The following TCF20 variants were observed in gnomAD, a reference collection of about 807,000 sequenced individuals.
TCF20 encodes the protein transcription factor 20, also known as SPRE-binding protein.
In TCF20, 3 loss-of-function variants were observed where a neutral mutation model predicts 148.6. The ratio of observed to expected loss-of-function variants is 0.02; its 90% CI spans 0.01 to 0.05. The LOEUF is 0.05. Ranked by LOEUF, TCF20 falls within the 10% of genes least tolerant of loss-of-function variation. TCF20 has a pLI of 1.00. For synonymous variants in TCF20, 1,049 were observed against 909.5 expected (o/e 1.15, Z -2.76); for missense variants, 2,350 against 2,429.3 (o/e 0.97, Z 0.69).
chr22:42,255,422 G>A (rs112281732), intron 1 of TCF20, among the ~76,000 whole-genome samples: 4 of 151,906 alleles, frequency 2.6e-5, no homozygotes, highest in Non-Finnish European at 1.5e-5. Context: ...CCGGGAGGAG[G>A]AGACTGCCAT....
chr22:42,178,800 G>T (rs1335168821), intron 3 of TCF20, among the ~76,000 whole-genome samples: 1 of 151,356 alleles, frequency 6.6e-6, no homozygotes, highest in South Asian at 2.1e-4. Context: ...GGCTGGTCTT[G>T]AACTCCTGAC....
Position 42,212,586 on chromosome 22 carries a change from G to A in TCF20, c.2720C>T (p.Ser907Leu), listed in dbSNP as rs747072524. 6.2e-7 allele frequency: 1 copy of A among 1,614,076 alleles called. No individual in the cohort carries two copies. Among genetic ancestry groups the A allele is most frequent in the South Asian group, 1.1e-5 (1 of 91,084 alleles). The change falls in exon 2 of 6, where the codon TCG (serine) becomes TTG (leucine). Residue 907 changes from serine to leucine, a missense_variant. Physicochemically the swap from Ser to Leu is moderately radical, Grantham distance 145. Around this residue, in one of 7 missense-constraint regions of TCF20, gnomAD observed 1,641 missense variants for 1,662.6 expected, o/e 0.99. Coordinates refer to ENST00000677622, the MANE Select transcript of TCF20 (RefSeq NM_001378418.1). ...CACCAAACCACCAGGAAGAATGACC[G>A]ACTGACTTAAAGTTGGATTGAGACG... is the stretch of plus-strand genomic sequence containing the variant. ...NDRLNPTLSQSVILPGGLVSM... is the reference protein window; with the variant it reads ...NDRLNPTLSQLVILPGGLVSM...
intron 1 of TCF20, among the ~76,000 whole-genome samples, chr22:42,259,202 C>T (rs758938684): frequency 2.0e-5 from 3 of 152,296 alleles, no homozygotes; most frequent in East Asian, 1.9e-4. Context: ...CCCTTAATCG[C>T]TAGCTTTTCT....
At position 42,214,722 on chromosome 22, in the gene TCF20, G is replaced by T. The variant is rs199879092; in HGVS notation, c.584C>A (p.Pro195Gln). 6.2e-7 allele frequency: 1 copy of T among 1,614,128 alleles called. No homozygotes were observed. Among genetic ancestry groups the T allele is most frequent in the East Asian group, 2.2e-5 (1 of 44,878 alleles). The change falls in exon 2 of 6, where the codon CCA becomes CAA. Residue 195 changes from proline to glutamine, a missense_variant. Pro to Gln is a moderately conservative substitution (Grantham distance 76). This residue lies in a region of TCF20 where 1,641 missense variants were observed against 1,662.6 expected (regional missense o/e 0.99). Coordinates refer to ENST00000677622, the MANE Select transcript of TCF20 (RefSeq NM_001378418.1). Reference sequence around the variant, plus strand: ...GGATGCTGGTTGGCCAGTGGCCTGTGGCAGGGGCTGATGGGACTGGTAAAG... The same window carrying T: ...GGATGCTGGTTGGCCAGTGGCCTGTTGCAGGGGCTGATGGGACTGGTAAAG... The part of the protein sequence containing the change: ...QQLYQSHQPL[P>Q]QATGQPASSS...
rs961937218 is a variant in TCF20, at chr22:42,294,788, C to T, written c.-37+48691G>A. Among the ~76,000 whole-genome samples the T allele has an allele frequency of 5.3e-5, 8 of 152,358 alleles. No individual in the cohort carries two copies. In the South Asian group the frequency reaches 8.3e-4, roughly 16 times the overall value. ...AGTGGCTTGCTGTGGTCACACACCA[C>T]GCCTGGACTGTCCAACTGCAGCAGG... is the stretch of plus-strand genomic sequence containing the variant. On this transcript the variant is annotated intron_variant, in intron 1 of 1. Coordinates refer to the TCF20 transcript ENST00000515426.
At chr22:42,228,486 G>A (rs956682732) in intron 1 of TCF20, among the ~76,000 whole-genome samples, 5 of 152,226 alleles carry the variant, frequency 3.3e-5, no homozygotes, top group Non-Finnish European at 5.9e-5. Flanking sequence ...AGACAACATG[G>A]TAGAGAGAGG....
At chr22:42,309,862 C>T (rs1927502237) in intron 1 of TCF20, among the ~76,000 whole-genome samples, 1 of 152,198 alleles carries the variant, frequency 6.6e-6, no homozygotes, top group South Asian at 2.1e-4. Context: ...GTAAGAAAAA[C>T]ACAAACTGCC....
intron 2 of TCF20, among the ~76,000 whole-genome samples, chr22:42,199,188 T>C (rs1222742870): frequency 6.6e-6 from 1 of 152,196 alleles, no homozygotes; most frequent in Admixed American, 6.5e-5. Context: ...ATGTAAATAA[T>C]ATGTAAATCT....
rs754720628 is a variant in TCF20, at chr22:42,210,781, G to A, written c.4525C>T (p.Pro1509Ser). Residue 1509 changes from proline to serine, a missense_variant, in exon 2 of 6, where the codon CCC (proline) becomes TCC (serine). This residue lies in a region of TCF20 where 231 missense variants were observed against 213.7 expected (regional missense o/e 1.08). Coordinates refer to ENST00000677622, the MANE Select transcript of TCF20 (RefSeq NM_001378418.1). This position sits in a 1 kb window ranked among gnomAD's most constrained non-coding sequence, Gnocchi z 4.7. ...TCGTTCTCCTTCTCTTCAGCCTTGG[G>A]GTTTGCCTCAGGGGCCAATATGCCC... ...PVGILAPEAN[P>S]KAEEKENDTV... 15 of 1,614,166 alleles carry A rather than the reference G, an allele frequency of 9.3e-6. 1 individual carries two copies. The East Asian group carries it at 1.3e-4, about 14-fold the overall frequency.
intron 1 of TCF20, among the ~76,000 whole-genome samples, chr22:42,246,263 C>G (rs184790570): frequency 4.5e-4 from 68 of 152,292 alleles, no homozygotes; most frequent in African/African-American, 1.6e-3. Context: ...TGCCACCACG[C>G]CCAGCTAACT....
intron 1 of TCF20, among the ~76,000 whole-genome samples, chr22:42,281,904 G>A (rs543564028): frequency 2.6e-5 from 4 of 152,304 alleles, no homozygotes; most frequent in African/African-American, 7.2e-5. Flanking sequence ...AAGTGTCCCT[G>A]TAACCAAGGA....
At chr22:42,162,124 G>A (rs539555197) in intron 5 of TCF20, among the ~76,000 whole-genome samples, 1 of 151,840 alleles carries the variant, frequency 6.6e-6, no homozygotes, top group East Asian at 1.9e-4. Context: ...GGGATCACAG[G>A]TGCACGCCAC....
chr22:42,263,352 A>C (rs1213721437), intron 1 of TCF20, among the ~76,000 whole-genome samples: 1 of 152,202 alleles, frequency 6.6e-6, no homozygotes, highest in Non-Finnish European at 1.5e-5. Context: ...TTGACTTCTC[A>C]AGAATCCCTA....
chr22:42,213,183 C>A lies in TCF20; in HGVS notation c.2123G>T (p.Ser708Ile), dbSNP rs559481079. 6.2e-7 allele frequency: 1 copy of A among 1,614,240 alleles called. No individual in the cohort carries two copies. The highest frequency in any genetic ancestry group is 2.2e-5 in the East Asian group (1 of 44,892). ...PSKSPGSLRY[S>I]YKDSFGSAVP... ...GGCTGACCCGAAACTATCTTTGTAA[C>A]TATAGCGCAGACTTCCAGGAGATTT... The change falls in exon 2 of 6, where the codon AGT becomes ATT. Residue 708 changes from serine to isoleucine, a missense_variant. Physicochemically the swap from Ser to Ile is moderately radical, Grantham distance 142 (BLOSUM62 -2). This residue lies in a region of TCF20 where 1,641 missense variants were observed against 1,662.6 expected (regional missense o/e 0.99). Coordinates refer to ENST00000677622, the MANE Select transcript of TCF20 (RefSeq NM_001378418.1).
intron 1 of TCF20, among the ~76,000 whole-genome samples, chr22:42,257,195 A>G (rs1411309112): frequency 6.6e-6 from 1 of 152,200 alleles, no homozygotes; most frequent in Non-Finnish European, 1.5e-5. Context: ...AGAAATACCC[A>G]GCATTCCTTA....
intron 2 of TCF20, among the ~76,000 whole-genome samples, chr22:42,195,998 G>T (rs1160389171): frequency 2.0e-5 from 3 of 152,206 alleles, no homozygotes; most frequent in African/African-American, 7.2e-5. Flanking sequence ...ATCTGGTGAG[G>T]ACGACAATCA....
intron 3 of TCF20, among the ~76,000 whole-genome samples, chr22:42,176,824 G>C (rs78742195): frequency 7.2e-5 from 11 of 152,288 alleles, no homozygotes; most frequent in African/African-American, 2.6e-4. Context: ...AAGTAGAACA[G>C]AGGATACTAG....
chr22:42,177,562 ACT>A lies in TCF20; in HGVS notation c.5749+2045_5749+2046del, dbSNP rs149835707. 9.3e-4 allele frequency among the ~76,000 whole-genome samples: 141 copies of A among 152,254 alleles called. 2 individuals carry two copies. Among genetic ancestry groups the A allele is most frequent in the Admixed American group, 1.4e-3 (21 of 15,290 alleles). On this transcript the variant is annotated intron_variant, in intron 3 of 5. Coordinates refer to ENST00000677622, the MANE Select transcript of TCF20 (RefSeq NM_001378418.1). The stretch of plus-strand genomic sequence containing the variant: ...CAGGTTATCGAAGCTCTGAGTCAAA[ACT>A]CAAGTCTTCTGCGTCACTCATTGGA...
chr22:42,309,579 G>A (rs904050491), intron 1 of TCF20, among the ~76,000 whole-genome samples: 9 of 150,590 alleles, frequency 6.0e-5, no homozygotes, highest in Middle Eastern at 3.2e-3. Context: ...ACCCATCTAC[G>A]GCTGCTGCAC....
Sources: gnomAD v4.1 joint callset for allele counts (sites outside exome capture counted in the v4.1 genomes callset) on GRCh38, gnomAD v4.1.1 for gene constraint, gnomAD v4.1.1 regional missense constraint, Gnocchi (gnomAD v3.1) non-coding constraint, MANE v1.5 for transcripts, NCBI Gene and HGNC (gene_info 2026-07-23, HGNC 2026-07-21) for gene names.